The following LRP5 variants were observed in gnomAD, a reference collection of about 807,000 sequenced individuals.
LRP5 encodes LDL receptor related protein 5, also known as low-density lipoprotein receptor-related protein 5.
In LRP5, 62 loss-of-function variants were observed where a neutral mutation model predicts 154.1. That is an observed-to-expected ratio of 0.40 (90% CI 0.33 to 0.50). LRP5 has a LOEUF of 0.50. Ranked by LOEUF, LRP5 falls within the 20% of genes least tolerant of loss-of-function variation. The pLI, the probability that LRP5 is intolerant of heterozygous loss-of-function variation, is 0.55. For synonymous variants in LRP5, 966 were observed against 1,011.5 expected, an observed-to-expected ratio of 0.96 and a Z score of 0.85; for missense variants, 1,915 against 2,336.7, an observed-to-expected ratio of 0.82 and a Z score of 3.72.
intron 13 of LRP5, among the ~76,000 whole-genome samples, chr11:68,419,604 G>A (rs371992127): frequency 2.0e-5 from 3 of 151,104 alleles, no homozygotes; most frequent in African/African-American, 7.3e-5. Flanking sequence ...CAGTGGCGTG[G>A]TATCAACTCA....
the LRP5 span, among the ~76,000 whole-genome samples, chr11:68,307,133 G>T: frequency 6.6e-6 from 1 of 151,984 alleles, no homozygotes; most frequent in Non-Finnish European, 1.5e-5. Context: ...AGTGAGCCAA[G>T]ATCTTGCCAT....
chr11:68,416,686 C>T (rs1262918203), intron 13 of LRP5, among the ~76,000 whole-genome samples, 159 bp downstream of exon 13: 1 of 152,060 alleles, frequency 6.6e-6, no homozygotes, highest in Non-Finnish European at 1.5e-5. Flanking sequence ...AGGGTATGAC[C>T]CTGAGATGCG....
chr11:68,426,658 A>T (rs549953209), intron 16 of LRP5, among the ~76,000 whole-genome samples: 15 of 152,178 alleles, frequency 9.9e-5, no homozygotes, highest in Non-Finnish European at 1.5e-4. Flanking sequence ...CCTGGGCACA[A>T]GCTATCTGCC....
At chr11:68,361,598 C>T (rs900065363) in intron 3 of LRP5, among the ~76,000 whole-genome samples, 1 of 152,072 alleles carries the variant, frequency 6.6e-6, no homozygotes, top group African/African-American at 2.4e-5. Context: ...GATGGCACCA[C>T]TGCACTCCAG....
Position 68,341,059 on chromosome 11 carries a change from C to CCTTTTTTTTTTTTTTTTTT in LRP5, c.92-6788_92-6787insCTTTTTTTTTTTTTTTTTT, listed in dbSNP as rs1555071026. The stretch of plus-strand genomic sequence containing the variant: ...GTTACCCCTGCCGCTGGAGATTGTT[C>CCTTTTTTTTTTTTTTTTTT]TTTTTTTTTTTTTTTTTTTGCTATT... On this transcript the variant is annotated intron_variant, in intron 1 of 22. Coordinates refer to ENST00000294304, the MANE Select transcript of LRP5 (RefSeq NM_002335.4). 1.7e-4 allele frequency among the ~76,000 whole-genome samples: 14 copies of CCTTTTTTTTTTTTTTTTTT among 83,476 alleles called. 1 individual carries two copies. Among genetic ancestry groups the CCTTTTTTTTTTTTTTTTTT allele is most frequent in the African/African-American group, 5.2e-4 (11 of 21,016 alleles). 54.8% of individuals were successfully genotyped at this position (83,476 alleles called of 152,430 possible).
Position 68,438,627 on chromosome 11 carries a change from G to A in LRP5, c.4293G>A (p.Pro1431=), listed in dbSNP as rs142283161. 3.1e-5 allele frequency: 50 copies of A among 1,613,416 alleles called. No individual in the cohort carries two copies. In the African/African-American group the frequency reaches 5.6e-4, roughly 18 times the overall value. The change falls in exon 20 of 23, where the codon CCG becomes CCA. Residue 1431 remains proline, a synonymous_variant. Coordinates refer to ENST00000294304, the MANE Select transcript of LRP5 (RefSeq NM_002335.4). The part of the protein sequence containing the change: ...PFPHEYVSGT[P]HVPLNFIAPG... ...CGCACGAGTATGTCAGCGGGACCCC[G>A]CACGTGCCCCTCAATTTCATAGCCC...
intron 17 of LRP5, among the ~76,000 whole-genome samples, chr11:68,430,144 T>C (rs1208054117): frequency 1.3e-5 from 2 of 152,092 alleles, no homozygotes; most frequent in Admixed American, 1.3e-4. Context: ...TTTGTTGTTA[T>C]TGTTTTTGTG....
At chr11:68,303,298 A>G in the LRP5 span, among the ~76,000 whole-genome samples, 1 of 152,120 alleles carries the variant, frequency 6.6e-6, no homozygotes, top group Non-Finnish European at 1.5e-5. Flanking sequence ...GCTGACAGTG[A>G]TATGGACAAG....
chr11:68,446,880 A>G, intron 22 of LRP5: 1 of 366,004 alleles, frequency 2.7e-6, no homozygotes, highest in Non-Finnish European at 5.3e-6. Context: ...CCGGCTGTGG[A>G]AACCTAGCCA....
intron 1 of LRP5, among the ~76,000 whole-genome samples, chr11:68,330,144 T>C (rs2098601918): frequency 1.3e-5 from 2 of 152,140 alleles, no homozygotes; most frequent in Admixed American, 1.3e-4. Flanking sequence ...TGTGCATGCG[T>C]GTGTTTGTGA....
intron 7 of LRP5, among the ~76,000 whole-genome samples, chr11:68,393,121 C>T (rs2098647286): frequency 6.6e-6 from 1 of 151,420 alleles, no homozygotes. Context: ...CAGAGCAAGA[C>T]CCTGTCTGAA....
intron 4 of LRP5, among the ~76,000 whole-genome samples, chr11:68,364,386 GTGTA>G (rs1368589855): frequency 1.3e-5 from 2 of 149,674 alleles, no homozygotes; most frequent in Non-Finnish European, 2.9e-5. Flanking sequence ...GTGTGTGTGT[GTGTA>G]TGTATTTTTA....
chr11:68,302,035 G>A, the LRP5 span, among the ~76,000 whole-genome samples: 11 of 151,522 alleles, frequency 7.3e-5, no homozygotes, highest in Non-Finnish European at 1.5e-4. Context: ...TTTGTAAATG[G>A]CATTGATGTG....
intron 7 of LRP5, among the ~76,000 whole-genome samples, chr11:68,402,422 G>C (rs919558315): frequency 8.5e-5 from 13 of 152,274 alleles, no homozygotes; most frequent in African/African-American, 3.1e-4. Flanking sequence ...CATCTCAGAG[G>C]AGACAGGGTG....
chr11:68,436,783 CATCT>C, intron 18 of LRP5, 102 bp from the exon 19 acceptor site: 1 of 787,956 alleles, frequency 1.3e-6, no homozygotes, highest in Non-Finnish European at 2.2e-6. Context: ...GAAAGGGTCC[CATCT>C]GTCTGCTCTC....
chr11:68,448,774 A>G, intron 22 of LRP5, 35 bp from the exon 23 acceptor site: 1 of 1,600,130 alleles, frequency 6.2e-7, no homozygotes, highest in Non-Finnish European at 8.5e-7. Context: ...GGATGTGCCT[A>G]CCGAATCCCA....
chr11:68,343,585 G>A (rs1007953713), intron 1 of LRP5, among the ~76,000 whole-genome samples: 1 of 152,178 alleles, frequency 6.6e-6, no homozygotes, highest in African/African-American at 2.4e-5. Context: ...TGCTCTGGCG[G>A]CCAGGACGAT....
At chr11:68,421,477 G>A (rs954851145) in intron 13 of LRP5, among the ~76,000 whole-genome samples, 1 of 152,138 alleles carries the variant, frequency 6.6e-6, no homozygotes, top group Admixed American at 6.5e-5. Context: ...CAGGGTAGCT[G>A]GAATCTTGCT....
At chr11:68,443,559 ATATATATATATATATATATATATATATT>A (rs1229415487) in intron 21 of LRP5, among the ~76,000 whole-genome samples, 11 of 34,746 alleles carry the variant, frequency 3.2e-4, no homozygotes, top group East Asian at 2.5e-3. Context: ...ATATATATAT[ATATATATATATATATATATATATATATT>A]TTTTTTTTTT....
Sources: allele counts gnomAD v4.1 joint callset (sites outside exome capture counted in the v4.1 genomes callset), GRCh38; gene constraint gnomAD v4.1.1; transcripts MANE v1.5; gene names NCBI Gene and HGNC (gene_info 2026-07-23, HGNC 2026-07-21).